NRG1: variants seen among roughly 807,000 people sequenced by gnomAD.
NRG1 encodes the protein neuregulin 1, also known as pro-neuregulin-1, membrane-bound isoform.
Under a neutral mutation model 63.8 loss-of-function variants are expected in NRG1, and 18 were observed. The ratio of observed to expected loss-of-function variants is 0.28; its 90% CI spans 0.19 to 0.42. The LOEUF (loss-of-function observed/expected upper bound fraction) is 0.42. Ranked by LOEUF, NRG1 falls within the 10% of genes least tolerant of loss-of-function variation. NRG1 has a pLI of 1.00. For synonymous variants in NRG1, 302 were observed against 301.3 expected, an observed-to-expected ratio of 1.00 and a Z score of -0.02; for missense variants, 762 against 814.7, an observed-to-expected ratio of 0.94 and a Z score of 0.79.
intron 1 of NRG1, among the ~76,000 whole-genome samples, chr8:32,510,124 T>TC (rs56245631): frequency 0.11 from 16,148 of 142,524 alleles, 1,164 homozygotes; most frequent in Admixed American, 0.24. Flanking sequence ...ATAATAATAA[T>TC]AATCATAAAA....
intron 1 of NRG1, among the ~76,000 whole-genome samples, chr8:32,322,587 G>A (rs906619894): frequency 6.6e-6 from 1 of 152,016 alleles, no homozygotes; most frequent in Non-Finnish European, 1.5e-5. Context: ...AGGCATGAAG[G>A]ACTTGATCCC....
intron 1 of NRG1, among the ~76,000 whole-genome samples, chr8:32,571,323 A>T (rs1563674177): frequency 1.3e-5 from 2 of 152,130 alleles, no homozygotes; most frequent in South Asian, 2.1e-4. Flanking sequence ...TTGTAAATTC[A>T]CTTGTTCTTT....
intron 1 of NRG1, among the ~76,000 whole-genome samples, chr8:32,593,640 C>T (rs968994988): frequency 4.0e-5 from 6 of 151,322 alleles, no homozygotes; most frequent in African/African-American, 1.5e-4. Context: ...TGCAACCGAG[C>T]AAGATCCTGT....
At chr8:32,316,467 T>C in intron 1 of NRG1, among the ~76,000 whole-genome samples, 1 of 87,126 alleles carries the variant, frequency 1.1e-5, no homozygotes, top group Non-Finnish European at 2.3e-5. Context: ...AGAGGGAGAC[T>C]CCATCAAAAA....
At chr8:32,736,396 C>T (rs1419775928) in intron 6 of NRG1, among the ~76,000 whole-genome samples, 3 of 152,152 alleles carry the variant, frequency 2.0e-5, no homozygotes. Context: ...GTTTGCAACA[C>T]GATACTGTAG....
At chr8:31,643,724 A>G (rs1023226857) in intron 1 of NRG1, among the ~76,000 whole-genome samples, 1 of 152,200 alleles carries the variant, frequency 6.6e-6, no homozygotes, top group Admixed American at 6.5e-5. Flanking sequence ...TGTTCATTGG[A>G]ATGCAGGATA....
chr8:32,739,522 G>A (rs895419216), intron 6 of NRG1, among the ~76,000 whole-genome samples: 9 of 152,082 alleles, frequency 5.9e-5, no homozygotes, highest in East Asian at 5.8e-4. Context: ...CCAGTTTTCC[G>A]TATGATTTTA....
At chr8:32,660,474 A>C (rs202211110) in intron 5 of NRG1, among the ~76,000 whole-genome samples, 13 of 152,240 alleles carry the variant, frequency 8.5e-5, no homozygotes, top group Non-Finnish European at 1.6e-4. Context: ...TAGTCATTAC[A>C]AACTTTGTTG....
At chr8:31,824,225 C>T (rs573358429) in intron 1 of NRG1, among the ~76,000 whole-genome samples, 1 of 130,296 alleles carries the variant, frequency 7.7e-6, no homozygotes, top group African/African-American at 2.9e-5. Flanking sequence ...CTTCCTGTGT[C>T]CAAGTGTTCT....
chr8:32,113,697 C>A (rs1832337632), intron 1 of NRG1, among the ~76,000 whole-genome samples: 1 of 152,290 alleles, frequency 6.6e-6, no homozygotes, highest in East Asian at 1.9e-4. Context: ...CTGTACATTG[C>A]AATTCATTTG....
At chr8:32,385,430 C>A (rs7845063) in intron 1 of NRG1, among the ~76,000 whole-genome samples, 79,281 of 151,942 alleles carry the variant, frequency 0.52, 21,542 homozygotes, top group African/African-American at 0.63. Flanking sequence ...ATAAAGAAAT[C>A]CTGGAGACTG....
At chr8:32,663,768 G>A (rs566452637) in intron 5 of NRG1, among the ~76,000 whole-genome samples, 1 of 152,250 alleles carries the variant, frequency 6.6e-6, no homozygotes, top group African/African-American at 2.4e-5. Context: ...GAAGGCTCCT[G>A]TTGCAGAAGT....
intron 5 of NRG1, among the ~76,000 whole-genome samples, chr8:32,640,519 G>A (rs1852156741): frequency 1.3e-5 from 2 of 151,408 alleles, no homozygotes; most frequent in South Asian, 2.1e-4. Context: ...AGTTTATCAC[G>A]TTTGATAAGA....
chr8:31,892,844 A>T (rs1294448182), intron 1 of NRG1, among the ~76,000 whole-genome samples: 2 of 152,084 alleles, frequency 1.3e-5, no homozygotes, highest in Non-Finnish European at 2.9e-5. Flanking sequence ...TGTGATTTCA[A>T]ACAAACTCCT....
chr8:32,226,001 T>C (rs1359675181), intron 1 of NRG1, among the ~76,000 whole-genome samples: 1 of 152,156 alleles, frequency 6.6e-6, no homozygotes, highest in Non-Finnish European at 1.5e-5. Flanking sequence ...ACATTTCACT[T>C]CTCTTTATAA....
At chr8:31,721,878 T>C (rs1185772467) in intron 1 of NRG1, among the ~76,000 whole-genome samples, 1 of 152,176 alleles carries the variant, frequency 6.6e-6, no homozygotes, top group African/African-American at 2.4e-5. Context: ...TAAATATTCC[T>C]TGTTGTATCA....
intron 1 of NRG1, among the ~76,000 whole-genome samples, chr8:32,574,816 A>C (rs1839307877): frequency 6.6e-6 from 1 of 152,214 alleles, no homozygotes; most frequent in Non-Finnish European, 1.5e-5. Flanking sequence ...GCAATGCAAG[A>C]ATGGCCTAAC....
At chr8:32,298,298 T>C (rs936553941) in intron 1 of NRG1, among the ~76,000 whole-genome samples, 1 of 152,240 alleles carries the variant, frequency 6.6e-6, no homozygotes, top group African/African-American at 2.4e-5. Flanking sequence ...GAGGTGATAC[T>C]GAATCAAGGC....
chr8:32,609,662 CTT>C (rs752378599), intron 3 of NRG1, among the ~76,000 whole-genome samples: 1 of 99,512 alleles, frequency 1.0e-5, no homozygotes, highest in Non-Finnish European at 2.0e-5. Context: ...TCTCTCTTTC[CTT>C]TTTTTTTTTT....
Sources: allele counts gnomAD v4.1 joint callset (sites outside exome capture counted in the v4.1 genomes callset), GRCh38; gene constraint gnomAD v4.1.1; transcripts MANE v1.5; gene names NCBI Gene and HGNC (gene_info 2026-07-23, HGNC 2026-07-21).